CUL9: variants seen among roughly 807,000 people sequenced by gnomAD.
CUL9 encodes the protein cullin-9.
A neutral mutation model predicts 272.6 loss-of-function variants in CUL9; 79 were observed. The ratio of observed to expected loss-of-function variants is 0.29; its 90% CI spans 0.24 to 0.35. The LOEUF (loss-of-function observed/expected upper bound fraction) is 0.35. Ranked by LOEUF, CUL9 falls within the 10% of genes least tolerant of loss-of-function variation. CUL9 has a pLI of 1.00. For missense variants in CUL9, 2,532 were observed against 3,255.6 expected (o/e 0.78, Z 5.41); for synonymous variants, 1,186 against 1,286.5 (o/e 0.92, Z 1.67).
In CUL9 at chr6:43,216,576, G is replaced by T. The variant is rs1165648519; in HGVS notation, c.6282+73G>T. The T allele has an allele frequency of 2.7e-5, 38 of 1,397,294 alleles. No homozygotes were observed. In the Admixed American group the frequency reaches 8.0e-4, roughly 29 times the overall value. The allele number at this position is 1,397,294 out of a possible 1,614,324, so 86.6% of individuals were successfully genotyped here. ...CTAACAAAATTCCTTGGGAATTCTT[G>T]GGTTCTAGCCCAGCACTGCCATTTT... On this transcript the variant is annotated intron_variant, in intron 31 of 40. Transcript: ENST00000252050.
In CUL9 at chr6:43,224,580, C is replaced by T; in HGVS notation, c.*135C>T. ...GTTTGCTGAATAAAGGTCTCTTTCTCACACACATCTCTGGGAGCAGGCTGA... is the reference window on the plus strand; with the variant it reads ...GTTTGCTGAATAAAGGTCTCTTTCTTACACACATCTCTGGGAGCAGGCTGA... On this transcript the variant is annotated 3_prime_UTR_variant, in exon 41 of 41. Transcript: ENST00000252050. The surrounding 1 kb of genome is among the most constrained non-coding windows in gnomAD (Gnocchi z 4.2). 1.2e-6 allele frequency: 1 copy of T among 828,946 alleles called. No homozygotes were observed. Among genetic ancestry groups the T allele is most frequent in the Non-Finnish European group, 1.8e-6 (1 of 546,962 alleles). 51.3% of individuals were successfully genotyped at this position (828,946 alleles called of 1,614,324 possible). A position where few individuals can be genotyped will look rare whatever the true frequency, so the allele number is the denominator to read the frequency against.
chr6:43,223,835 C>T lies in CUL9; in HGVS notation c.7285-260C>T, dbSNP rs1776582528. The T allele has an allele frequency of 3.6e-6, 2 of 551,494 alleles. No homozygotes were observed. Among genetic ancestry groups the T allele is most frequent in the Non-Finnish European group, 6.5e-6 (2 of 306,578 alleles). 34.2% of individuals were successfully genotyped at this position (551,494 alleles called of 1,614,324 possible). ...GTCCTGTCCTCAGGTTGCTTACTGA[C>T]TGGTAAGTCACATGGGCAGAAAAGA... On this transcript the variant is annotated intron_variant, in intron 39 of 40. Transcript: ENST00000252050. The surrounding 1 kb of genome is among the most constrained non-coding windows in gnomAD (Gnocchi z 4.1).
At position 43,216,464 on chromosome 6, in the gene CUL9, C is replaced by T. The variant is rs373348071; in HGVS notation, c.6243C>T (p.Asp2081=). The T allele has an allele frequency of 3.4e-5, 54 of 1,603,454 alleles. No homozygotes were observed. The highest frequency in any genetic ancestry group is 1.7e-4 in the Admixed American group (10 of 59,786). ...PVCVSPLGCD[D]DLPSLCCMHY... The stretch of plus-strand genomic sequence containing the variant: ...GTGTGAGCCCCCTGGGGTGTGACGA[C>T]GACCTGCCCTCTCTCTGCTGCATGC... Residue 2081 remains aspartate (D), a synonymous_variant, in exon 31 of 41, where the codon GAC becomes GAT. Coordinates refer to ENST00000252050, the MANE Select transcript of CUL9 (RefSeq NM_015089.4).
chr6:43,199,875 T>C lies in CUL9; in HGVS notation c.3157-54T>C. Reference sequence around the variant, plus strand: ...TTTACTGAACCCTCTCCTCAATCCTTACATGTCCTACCTCTTGTTTCCTGT... The same window carrying C: ...TTTACTGAACCCTCTCCTCAATCCTCACATGTCCTACCTCTTGTTTCCTGT... On this transcript the variant is annotated intron_variant, in intron 13 of 40. Transcript: ENST00000252050. This position sits in a 1 kb window ranked among gnomAD's most constrained non-coding sequence, Gnocchi z 4.4. The C allele has an allele frequency of 7.0e-7, 1 of 1,426,604 alleles. No homozygotes were observed. The highest frequency in any genetic ancestry group is 9.9e-7 in the Non-Finnish European group (1 of 1,011,518). 88.4% of individuals were successfully genotyped at this position (1,426,604 alleles called of 1,614,324 possible).
At chr6:43,197,063 T>C (rs952493509) in intron 11 of CUL9, among the ~76,000 whole-genome samples, 7 of 151,698 alleles carry the variant, frequency 4.6e-5, no homozygotes, top group Non-Finnish European at 1.0e-4. Flanking sequence ...TTTTTTTTTT[T>C]GAGATGGAGT....
Position 43,206,170 on chromosome 6 carries a change from C to G in CUL9, c.4957C>G (p.Gln1653Glu), listed in dbSNP as rs142418416. The change falls in exon 25 of 41, where the codon CAG (glutamine) becomes GAG (glutamate). Residue 1653 changes from glutamine (Q) to glutamate (E), a missense_variant. Physicochemically the swap from Gln to Glu is conservative, Grantham distance 29. Around this residue, in one of 3 missense-constraint regions of CUL9, gnomAD observed 2,218 missense variants for 2,788.6 expected, o/e 0.80. Coordinates refer to ENST00000252050, the MANE Select transcript of CUL9 (RefSeq NM_015089.4). This position sits in a 1 kb window ranked among gnomAD's most constrained non-coding sequence, Gnocchi z 4.8. ...LQRQFHLFQL[Q>E]RLDKLFLEQE... ...GCGCCAGTTCCACCTCTTCCAGCTC[C>G]AGCGGCTCGACAAGTTGTTCTTGGA... The G allele has an allele frequency of 8.7e-3, 13,987 of 1,613,770 alleles. 82 individuals carry two copies. Among genetic ancestry groups the G allele is most frequent in the Middle Eastern group, 0.011 (67 of 6,056 alleles).
At position 43,185,558 on chromosome 6, in the gene CUL9, C is replaced by T; in HGVS notation, c.698C>T (p.Thr233Ile). 2 of 1,613,874 alleles carry T rather than the reference C, an allele frequency of 1.2e-6. No individual in the cohort carries two copies. Among genetic ancestry groups the T allele is most frequent in the Non-Finnish European group, 1.7e-6 (2 of 1,180,036 alleles). Residue 233 changes from threonine (T) to isoleucine (I), a missense_variant, in exon 3 of 41, where the codon ACC becomes ATC. Physicochemically the swap from Thr to Ile is moderately conservative, Grantham distance 89 (BLOSUM62 -1). Coordinates refer to ENST00000252050, the MANE Select transcript of CUL9 (RefSeq NM_015089.4). ...RYTLLELFAETTSSEEHCMAF... is the reference protein window; with the variant it reads ...RYTLLELFAEITSSEEHCMAF... ...ACATTGCTGGAGCTGTTTGCAGAAACCACATCCTCTGAAGAACACTGCATG... is the reference window on the plus strand; with the variant it reads ...ACATTGCTGGAGCTGTTTGCAGAAATCACATCCTCTGAAGAACACTGCATG...
rs201524742 is a variant in CUL9, at chr6:43,215,250, C to T, written c.5860C>T (p.Pro1954Ser). 1.3e-5 allele frequency: 21 copies of T among 1,614,182 alleles called. No homozygotes were observed. Among genetic ancestry groups the T allele is most frequent in the Non-Finnish European group, 1.4e-5 (16 of 1,180,034 alleles). ...DRPQILMYAA[P>S]EPMGPCRGQA... Reference sequence around the variant, plus strand: ...GCCCCAGATCCTGATGTATGCCGCTCCAGAGCCCATGGGGCCCTGCCGGGG... The same window carrying T: ...GCCCCAGATCCTGATGTATGCCGCTTCAGAGCCCATGGGGCCCTGCCGGGG... The change falls in exon 30 of 41, where the codon CCA becomes TCA. Residue 1954 changes from proline to serine, a missense_variant. Pro to Ser is a moderately conservative substitution (Grantham distance 74). Coordinates refer to ENST00000252050, the MANE Select transcript of CUL9 (RefSeq NM_015089.4).
At chr6:43,182,561 G>A (rs1450107998) in intron 1 of CUL9, among the ~76,000 whole-genome samples, 1 of 151,868 alleles carries the variant, frequency 6.6e-6, no homozygotes, top group Non-Finnish European at 1.5e-5. Flanking sequence ...GCTCTTCTAG[G>A]CCGACGTTAC....
At chr6:43,193,642 G>C (rs970217409) in intron 9 of CUL9, among the ~76,000 whole-genome samples, 41 of 152,122 alleles carry the variant, frequency 2.7e-4, no homozygotes, top group Non-Finnish European at 1.9e-4. Context: ...CACCTCCTGG[G>C]TTCAAGTGAT....
In CUL9 at chr6:43,186,944, TCCTC is replaced by T. The variant is rs1179381395; in HGVS notation, c.1252-11_1252-8del. On this transcript the variant is annotated splice_polypyrimidine_tract_variant and intron_variant, in intron 4 of 40. Coordinates refer to ENST00000252050, the MANE Select transcript of CUL9 (RefSeq NM_015089.4). ...GCCTTCTCTATTCTGCTCTCTTTCT[TCCTC>T]CCTCATACCAGGTTTTCTGGCAGTC... is the stretch of plus-strand genomic sequence containing the variant. The T allele has an allele frequency of 6.2e-7, 1 of 1,613,188 alleles. No homozygotes were observed. The highest frequency in any genetic ancestry group is 8.5e-7 in the Non-Finnish European group (1 of 1,179,496).
Position 43,187,741 on chromosome 6 carries a change from T to G in CUL9, c.1610T>G (p.Ile537Ser). The G allele has an allele frequency of 6.2e-7, 1 of 1,612,866 alleles. No individual in the cohort carries two copies. The highest frequency in any genetic ancestry group is 1.8e-4 in the Middle Eastern group (1 of 5,438). ...CTGGGTGAAAAGGCCCTAGGTGAGA[T>G]CTCTGTGTCCGTGGAAATGGCCGAG... ...ETLGEKALGEISVSVEMAESL... is the reference protein window; with the variant it reads ...ETLGEKALGESSVSVEMAESL... The change falls in exon 7 of 41, where the codon ATC (isoleucine) becomes AGC (serine). Residue 537 changes from isoleucine to serine, a missense_variant. By Grantham distance (142) the Ile-to-Ser change is moderately radical (BLOSUM62 -2). This residue lies in a region of CUL9 where 2,218 missense variants were observed against 2,788.6 expected (regional missense o/e 0.80). Transcript: ENST00000252050.
At position 43,213,442 on chromosome 6, in the gene CUL9, T is replaced by C. The variant is rs1284019110; in HGVS notation, c.5363T>C (p.Val1788Ala). 1.9e-6 allele frequency: 3 copies of C among 1,614,178 alleles called. No individual in the cohort carries two copies. Among genetic ancestry groups the C allele is most frequent in the Non-Finnish European group, 2.5e-6 (3 of 1,180,030 alleles). Residue 1788 changes from valine to alanine, a missense_variant, in exon 28 of 41, where the codon GTG (valine) becomes GCG (alanine). Physicochemically the swap from Val to Ala is moderately conservative, Grantham distance 64. Coordinates refer to ENST00000252050, the MANE Select transcript of CUL9 (RefSeq NM_015089.4). This position sits in a 1 kb window ranked among gnomAD's most constrained non-coding sequence, Gnocchi z 5.7. The part of the protein sequence containing the change: ...LLLKFNQTEE[V>A]SVETLLKDSD... ...CTGGGCGTTTCTGCTCATCAGGAGG[T>C]GTCAGTAGAGACCTTGCTGAAGGAT...
Position 43,186,865 on chromosome 6 carries a change from C to G in CUL9, c.1252-95C>G, listed in dbSNP as rs532557083. The G allele has an allele frequency of 8.7e-4, 1,286 of 1,471,194 alleles. 2 individuals carry two copies. Among genetic ancestry groups the G allele is most frequent in the Non-Finnish European group, 1.1e-3 (1,231 of 1,081,676 alleles). The allele number at this position is 1,471,194 out of a possible 1,614,324, so 91.1% of individuals were successfully genotyped here. A position where few individuals can be genotyped will look rare whatever the true frequency, so the allele number is the denominator to read the frequency against. The stretch of plus-strand genomic sequence containing the variant: ...GTGTATCTGAGGGTGCGCCCCAGAT[C>G]TATGCTTGGGCATGTCCTTTCAAGC... On this transcript the variant is annotated intron_variant, in intron 4 of 40. Coordinates refer to ENST00000252050, the MANE Select transcript of CUL9 (RefSeq NM_015089.4).
intron 23 of CUL9, 50 bp downstream of exon 23, chr6:43,205,165 A>G: frequency 6.3e-7 from 1 of 1,575,676 alleles, no homozygotes; most frequent in East Asian, 2.3e-5. Flanking sequence ...TTCCAAGTTC[A>G]TCTCTTTCTG....
Position 43,203,774 on chromosome 6 carries a change from T to G in CUL9, c.4026-80T>G. On this transcript the variant is annotated intron_variant, in intron 19 of 40. Coordinates refer to ENST00000252050, the MANE Select transcript of CUL9 (RefSeq NM_015089.4). The surrounding 1 kb of genome is among the most constrained non-coding windows in gnomAD (Gnocchi z 5.0). ...GGGTCAGGGACCGAACAGGGGTGAT[T>G]GGGAGCTGATCTGCACTTGAATGGA... 1 of 1,540,440 alleles carries G rather than the reference T, an allele frequency of 6.5e-7. No homozygotes were observed. Among genetic ancestry groups the G allele is most frequent in the East Asian group, 2.3e-5 (1 of 44,128 alleles).
chr6:43,183,701 CCTTT>C (rs10562582), intron 1 of CUL9, among the ~76,000 whole-genome samples: 41,069 of 146,854 alleles, frequency 0.28, 7,780 homozygotes, highest in African/African-American at 0.55. Flanking sequence ...CCCCTTCCTT[CCTTT>C]CTTCCTTCCT....
intron 8 of CUL9, among the ~76,000 whole-genome samples, chr6:43,189,423 A>G (rs1773234216): frequency 6.6e-6 from 1 of 152,134 alleles, no homozygotes; most frequent in African/African-American, 2.4e-5. Flanking sequence ...TGACCTCGTG[A>G]TCTGCCTGCC....
chr6:43,183,854 G>T (rs1772674141), intron 1 of CUL9, among the ~76,000 whole-genome samples: 1 of 152,090 alleles, frequency 6.6e-6, no homozygotes, highest in African/African-American at 2.4e-5. Flanking sequence ...CTGGGTTCAA[G>T]TGATTCTCCT....
Sources: allele counts gnomAD v4.1 joint callset (sites outside exome capture counted in the v4.1 genomes callset), GRCh38; gene constraint gnomAD v4.1.1; regional missense constraint gnomAD v4.1.1; non-coding constraint Gnocchi (gnomAD v3.1); transcripts MANE v1.5; gene names NCBI Gene and HGNC (gene_info 2026-07-23, HGNC 2026-07-21).